The following PCED1B variants were observed in gnomAD, a reference collection of about 807,000 sequenced individuals.
PCED1B encodes the protein PC-esterase domain containing 1B, also known as PC-esterase domain-containing protein 1B.
For missense variants in PCED1B, 573 were observed against 573.9 expected, an observed-to-expected ratio of 1.00 and a Z score of 0.02; for synonymous variants, 251 against 246.1, an observed-to-expected ratio of 1.02 and a Z score of -0.19.
chr12:47,088,249 G>C lies in PCED1B; in HGVS notation c.-609+8524G>C, dbSNP rs1938082545. ...AAATGTTTGCTGAACCTAATGGCTA[G>C]GTTTATGTGCAAAATAAACAGAGCT... On this transcript the variant is annotated intron_variant, in intron 1 of 3. Coordinates refer to ENST00000546455, the MANE Select transcript of PCED1B (RefSeq NM_138371.3). Among the ~76,000 whole-genome samples, 3 of 152,190 alleles carry C rather than the reference G, an allele frequency of 2.0e-5. No homozygotes were observed. The South Asian group carries it at 6.2e-4, about 32-fold the overall frequency.
intron 2 of PCED1B, among the ~76,000 whole-genome samples, chr12:47,116,447 A>T (rs145878064): frequency 3.7e-4 from 57 of 152,328 alleles, no homozygotes; most frequent in African/African-American, 1.3e-3. Context: ...GCTGAAAAAA[A>T]TAGATTGGCA....
At chr12:47,140,427 T>C (rs1434940634) in intron 2 of PCED1B, among the ~76,000 whole-genome samples, 1 of 152,230 alleles carries the variant, frequency 6.6e-6, no homozygotes, top group East Asian at 1.9e-4. Context: ...TTTATGCCCC[T>C]GGCATCTTGA....
intron 2 of PCED1B, among the ~76,000 whole-genome samples, chr12:47,129,634 C>T (rs1212910152): frequency 6.6e-6 from 1 of 152,002 alleles, no homozygotes. Flanking sequence ...GGCATGCCCC[C>T]TTGGGTGGGA....
intron 3 of PCED1B, among the ~76,000 whole-genome samples, chr12:47,230,926 G>A (rs74085055): frequency 4.6e-5 from 7 of 152,280 alleles, no homozygotes; most frequent in African/African-American, 1.4e-4. Context: ...AACAGTTTAC[G>A]TTTAATCCTC....
chr12:47,230,172 C>A (rs1943760782), intron 3 of PCED1B, among the ~76,000 whole-genome samples: 2 of 150,070 alleles, frequency 1.3e-5, no homozygotes, highest in African/African-American at 4.9e-5. Context: ...ACAAGTTCCG[C>A]CTCCCAGGTT....
intron 1 of PCED1B, among the ~76,000 whole-genome samples, chr12:47,083,120 A>G (rs144884043): frequency 3.4e-4 from 52 of 151,762 alleles, no homozygotes; most frequent in African/African-American, 1.2e-3. Context: ...AATTTCCACA[A>G]TTTCTCAGGT....
chr12:47,232,271 A>G (rs1943831250), intron 3 of PCED1B, among the ~76,000 whole-genome samples: 1 of 152,216 alleles, frequency 6.6e-6, no homozygotes, highest in Admixed American at 6.5e-5. Flanking sequence ...GATTACAAAC[A>G]TAAGCCACTG....
intron 2 of PCED1B, among the ~76,000 whole-genome samples, chr12:47,211,671 A>C (rs1484910853): frequency 1.4e-5 from 2 of 147,136 alleles, no homozygotes; most frequent in African/African-American, 2.5e-5. Flanking sequence ...AAAAAAAAAA[A>C]AAAAAACTGG....
At chr12:47,146,110 G>T (rs1940774139) in intron 2 of PCED1B, among the ~76,000 whole-genome samples, 1 of 152,200 alleles carries the variant, frequency 6.6e-6, no homozygotes, top group Non-Finnish European at 1.5e-5. Context: ...TCTCATGGGT[G>T]ACTTTAAGGA....
At chr12:47,135,728 G>A (rs1041509444) in intron 2 of PCED1B, 5 of 531,648 alleles carry the variant, frequency 9.4e-6, no homozygotes, top group African/African-American at 3.9e-5. Flanking sequence ...GGGACCAGAC[G>A]ACATGGTCGG....
At chr12:47,185,417 G>A (rs1022350934) in intron 2 of PCED1B, among the ~76,000 whole-genome samples, 1 of 152,216 alleles carries the variant, frequency 6.6e-6, no homozygotes, top group African/African-American at 2.4e-5. Context: ...GGAATGCCAA[G>A]TATTGCTGGT....
At chr12:47,109,372 A>G (rs1191797031) in intron 2 of PCED1B, among the ~76,000 whole-genome samples, 1 of 121,222 alleles carries the variant, frequency 8.2e-6, no homozygotes, top group Non-Finnish European at 1.8e-5. Flanking sequence ...TTTTTTTTTT[A>G]GTTTTAATTG....
intron 1 of PCED1B, among the ~76,000 whole-genome samples, chr12:47,089,446 C>CAA (rs746983624): frequency 0.01 from 588 of 58,364 alleles, 18 homozygotes; most frequent in African/African-American, 0.036. Flanking sequence ...GACTCCATCT[C>CAA]AAAAAAAAAA....
intron 1 of PCED1B, among the ~76,000 whole-genome samples, chr12:47,095,863 G>A (rs1017716332): frequency 3.9e-5 from 5 of 128,134 alleles, no homozygotes; most frequent in African/African-American, 8.2e-5. Context: ...TTCCTTTTCT[G>A]GTAACTCCAA....
intron 2 of PCED1B, among the ~76,000 whole-genome samples, chr12:47,195,184 C>T (rs1335283315): frequency 6.6e-6 from 1 of 151,980 alleles, no homozygotes; most frequent in African/African-American, 2.4e-5. Context: ...CAAAAATCAG[C>T]CGAGCATGGT....
chr12:47,127,512 G>A (rs940738557), intron 2 of PCED1B, among the ~76,000 whole-genome samples: 6 of 145,542 alleles, frequency 4.1e-5, no homozygotes. Flanking sequence ...GGGACTACAG[G>A]CATGTGCCAC....
intron 1 of PCED1B, among the ~76,000 whole-genome samples, chr12:47,085,621 G>T (rs758632723): frequency 6.6e-6 from 1 of 152,038 alleles, no homozygotes; most frequent in Admixed American, 6.6e-5. Flanking sequence ...ATTACAAAAT[G>T]GTATGGTTCC....
chr12:47,086,940 TAATATCTAATTTG>T (rs1271110836), intron 1 of PCED1B, among the ~76,000 whole-genome samples: 2 of 152,212 alleles, frequency 1.3e-5, no homozygotes, highest in Non-Finnish European at 2.9e-5. Context: ...TTATTCAAAG[TAATATCTAATTTG>T]AAGCAGCCAT....
chr12:47,224,729 A>T (rs1179189256), intron 3 of PCED1B, among the ~76,000 whole-genome samples: 3 of 152,182 alleles, frequency 2.0e-5, no homozygotes, highest in Non-Finnish European at 4.4e-5. Context: ...TCACAGGGGA[A>T]TCATGGTTGT....
Sources: allele counts gnomAD v4.1 joint callset (sites outside exome capture counted in the v4.1 genomes callset), GRCh38; gene constraint gnomAD v4.1.1; transcripts MANE v1.5; gene names NCBI Gene and HGNC (gene_info 2026-07-23, HGNC 2026-07-21).